PTPRT: variants seen among roughly 807,000 people sequenced by gnomAD.
PTPRT encodes receptor-type tyrosine-protein phosphatase T.
Under a neutral mutation model 176.8 loss-of-function variants are expected in PTPRT, and 56 were observed. The observed-to-expected ratio is 0.32, with a 90% CI of 0.26 to 0.40. The LOEUF (loss-of-function observed/expected upper bound fraction) is 0.40, where lower values mean the gene tolerates loss of function less well. PTPRT is among the 10% of genes least tolerant of loss of function. The pLI is 1.00. For synonymous variants in PTPRT, 783 were observed against 739.0 expected, an observed-to-expected ratio of 1.06 and a Z score of -0.96; for missense variants, 1,540 against 1,908.2, an observed-to-expected ratio of 0.81 and a Z score of 3.60.
In PTPRT at chr20:42,472,255, C is replaced by G. The variant is rs201117399; in HGVS notation, c.1450+11G>C. The G allele has an allele frequency of 3.1e-4, 493 of 1,611,914 alleles. 1 individual carries two copies. The highest frequency in any genetic ancestry group is 4.0e-4 in the Non-Finnish European group (466 of 1,178,592). ...TCCCCATTCCCATGTAAGCTCTCCTCCCTTGCTCACCGTCTTCCTCAGTCT... is the reference window on the plus strand; with the variant it reads ...TCCCCATTCCCATGTAAGCTCTCCTGCCTTGCTCACCGTCTTCCTCAGTCT... On this transcript the variant is annotated intron_variant, in intron 8 of 30. Coordinates refer to ENST00000373187, the MANE Select transcript of PTPRT (RefSeq NM_007050.6).
chr20:42,974,129 C>T (rs1568711057), intron 1 of PTPRT, among the ~76,000 whole-genome samples: 1 of 152,170 alleles, frequency 6.6e-6, no homozygotes, highest in Non-Finnish European at 1.5e-5. Context: ...GCAGCAGATG[C>T]TACCCCAGCT....
intron 1 of PTPRT, among the ~76,000 whole-genome samples, chr20:43,137,175 G>A (rs75495823): frequency 1.3e-5 from 2 of 152,128 alleles, no homozygotes; most frequent in Non-Finnish European, 2.9e-5. Context: ...GAAAACTGGG[G>A]CCCAGAAGGG....
intron 7 of PTPRT, among the ~76,000 whole-genome samples, chr20:42,667,785 TCTCCTTCCTCAGGGTGCCACTTTG>T (rs1569069444): frequency 2.0e-5 from 3 of 152,156 alleles, no homozygotes; most frequent in African/African-American, 7.2e-5. Context: ...AGTAGTGCAG[TCTCCTTCCTCAGGGTGCCACTTTG>T]CTTCCAGGCA....
chr20:42,351,631 G>A (rs1048700925), intron 10 of PTPRT, among the ~76,000 whole-genome samples: 1 of 152,178 alleles, frequency 6.6e-6, no homozygotes, highest in Admixed American at 6.5e-5. Flanking sequence ...GGCAGAGGGG[G>A]CCCTACGGGT....
intron 7 of PTPRT, among the ~76,000 whole-genome samples, chr20:42,478,375 C>T (rs1245793512): frequency 6.6e-6 from 1 of 152,042 alleles, no homozygotes; most frequent in African/African-American, 2.4e-5. Flanking sequence ...GCACGGTGGT[C>T]CTCCTCACCT....
intron 2 of PTPRT, among the ~76,000 whole-genome samples, chr20:42,840,367 G>C (rs1386377656): frequency 6.6e-6 from 1 of 151,878 alleles, no homozygotes; most frequent in Non-Finnish European, 1.5e-5. Flanking sequence ...CTGAGGTATT[G>C]GTATTTAAGG....
intron 16 of PTPRT, among the ~76,000 whole-genome samples, chr20:42,165,123 C>T (rs1333614420): frequency 6.6e-6 from 1 of 152,080 alleles, no homozygotes; most frequent in African/African-American, 2.4e-5. Context: ...TTGCTGTCTT[C>T]CTGCTCTCTC....
At position 42,085,749 on chromosome 20, in the gene PTPRT, G is replaced by C. The variant is rs1381847047; in HGVS notation, c.3951C>G (p.Phe1317Leu). ...TTACCCGGGCCATGTTACAGATGCG[G>C]AATATTCTGTGGATGATGTCCTCGT... Reference protein sequence around the residue: ...DIDEDIIHRIFRICNMARPQD... With the variant: ...DIDEDIIHRILRICNMARPQD... The change falls in exon 28 of 31, where the codon TTC becomes TTG. Residue 1317 changes from phenylalanine to leucine, a missense_variant. Transcript: ENST00000373187. 2 of 1,613,960 alleles carry C rather than the reference G, an allele frequency of 1.2e-6. No homozygotes were observed. The highest frequency in any genetic ancestry group is 1.3e-5 in the African/African-American group (1 of 74,910).
At chr20:42,741,806 C>T (rs1449597770) in intron 6 of PTPRT, among the ~76,000 whole-genome samples, 1 of 152,004 alleles carries the variant, frequency 6.6e-6, no homozygotes, top group African/African-American at 2.4e-5. Flanking sequence ...CAGGCAATAC[C>T]TAGACGTACT....
At chr20:42,345,689 T>C (rs1291380116) in intron 11 of PTPRT, among the ~76,000 whole-genome samples, 1 of 150,968 alleles carries the variant, frequency 6.6e-6, no homozygotes, top group Non-Finnish European at 1.5e-5. Context: ...TTCAGATTTC[T>C]TGGAGCTCAC....
intron 1 of PTPRT, among the ~76,000 whole-genome samples, chr20:43,080,764 G>A (rs990501060): frequency 6.6e-6 from 1 of 152,222 alleles, no homozygotes; most frequent in Non-Finnish European, 1.5e-5. Flanking sequence ...TTACAAAGCA[G>A]TTAGAGATTC....
At chr20:42,207,324 T>C (rs2055498150) in intron 15 of PTPRT, among the ~76,000 whole-genome samples, 1 of 150,972 alleles carries the variant, frequency 6.6e-6, no homozygotes. Flanking sequence ...GAAGAAGGCT[T>C]CAGACGATCA....
intron 7 of PTPRT, among the ~76,000 whole-genome samples, chr20:42,571,346 G>C (rs995962699): frequency 2.0e-5 from 3 of 152,214 alleles, no homozygotes; most frequent in Non-Finnish European, 4.4e-5. Context: ...GCTCGAGGAA[G>C]AGGCCATGAG....
chr20:42,285,786 A>C (rs879891885), intron 12 of PTPRT, among the ~76,000 whole-genome samples: 1 of 132,084 alleles, frequency 7.6e-6, no homozygotes, highest in Non-Finnish European at 1.7e-5. Flanking sequence ...TATACGAAAA[A>C]CCAAAAACTT....
At chr20:43,099,288 G>A (rs566234187) in intron 1 of PTPRT, among the ~76,000 whole-genome samples, 2 of 152,138 alleles carry the variant, frequency 1.3e-5, no homozygotes, top group African/African-American at 4.8e-5. Context: ...CATCTGCTTT[G>A]AATGTCACAG....
chr20:42,310,934 C>T (rs1409495053), intron 12 of PTPRT, among the ~76,000 whole-genome samples: 1 of 152,176 alleles, frequency 6.6e-6, no homozygotes, highest in African/African-American at 2.4e-5. Flanking sequence ...AGCAACATAT[C>T]TTATAGTGCA....
intron 15 of PTPRT, among the ~76,000 whole-genome samples, chr20:42,221,081 A>G (rs2055875792): frequency 6.6e-6 from 1 of 152,000 alleles, no homozygotes; most frequent in Admixed American, 6.6e-5. Flanking sequence ...GCTCACTGCA[A>G]CCTCCGCTTC....
At chr20:42,893,941 G>T (rs1482667374) in intron 1 of PTPRT, among the ~76,000 whole-genome samples, 1 of 151,708 alleles carries the variant, frequency 6.6e-6, no homozygotes, top group African/African-American at 2.4e-5. Context: ...CCACACACCT[G>T]CATGGCATAT....
chr20:42,931,800 G>T (rs1233452399), intron 1 of PTPRT, among the ~76,000 whole-genome samples: 2 of 152,252 alleles, frequency 1.3e-5, no homozygotes, highest in African/African-American at 4.8e-5. Flanking sequence ...GGCATGCACA[G>T]AGACAACTTA....
Sources: allele counts gnomAD v4.1 joint callset (sites outside exome capture counted in the v4.1 genomes callset), GRCh38; gene constraint gnomAD v4.1.1; transcripts MANE v1.5; gene names NCBI Gene and HGNC (gene_info 2026-07-23, HGNC 2026-07-21).